Variants in GABPB2 observed in about 807,000 individuals in gnomAD.
The protein encoded by GABPB2 is GA binding protein transcription factor subunit beta 2.
In GABPB2, 23 loss-of-function variants were observed where a neutral mutation model predicts 39.1. That is an observed-to-expected ratio of 0.59 (90% CI 0.42 to 0.83). The LOEUF (loss-of-function observed/expected upper bound fraction) is 0.83. Among genes scored for constraint, GABPB2 ranks in the 40% least tolerant of loss-of-function variants. The probability of loss-of-function intolerance (pLI) is 0.00; values close to 1 mark genes in which losing one functional copy is unlikely to be tolerated. For missense variants in GABPB2, 467 were observed against 541.1 expected (o/e 0.86, Z 1.36); for synonymous variants, 184 against 199.3 (o/e 0.92, Z 0.65).
chr1:151,078,671 G>C (rs150912022), intron 1 of GABPB2, among the ~76,000 whole-genome samples: 1 of 151,466 alleles, frequency 6.6e-6, no homozygotes, highest in Non-Finnish European at 1.5e-5. Context: ...AGACAGTCTC[G>C]CTCTGTTACC....
Position 151,118,101 on chromosome 1 carries a change from A to G in GABPB2, c.1192A>G (p.Asn398Asp), listed in dbSNP as rs767948554. Residue 398 changes from asparagine (N) to aspartate (D), a missense_variant, in exon 9 of 9, where the codon AAT (asparagine) becomes GAT (aspartate). Coordinates refer to ENST00000368918, the MANE Select transcript of GABPB2 (RefSeq NM_144618.3). ...GGAGGCCATAGCCCGACAGCAGCCC[A>G]ATGGAGTTGATTTCACCATGGTTGA... Reference protein sequence around the residue: ...KLEAIARQQPNGVDFTMVEEV... With the variant: ...KLEAIARQQPDGVDFTMVEEV... 3 of 1,614,124 alleles carry G rather than the reference A, an allele frequency of 1.9e-6. No homozygotes were observed. Among genetic ancestry groups the G allele is most frequent in the South Asian group, 2.2e-5 (2 of 91,080 alleles).
chr1:151,096,988 C>T (rs587746914), intron 4 of GABPB2, among the ~76,000 whole-genome samples: 6 of 152,028 alleles, frequency 3.9e-5, no homozygotes, highest in South Asian at 4.2e-4. Context: ...CTTGGCTTAC[C>T]GCAATCTTGG....
chr1:151,089,952 T>TC (rs1678527567), intron 2 of GABPB2, among the ~76,000 whole-genome samples: 1 of 151,882 alleles, frequency 6.6e-6, no homozygotes, highest in South Asian at 2.1e-4. Context: ...TTTTTTTTTT[T>TC]TTTGAGACGG....
intron 1 of GABPB2, among the ~76,000 whole-genome samples, chr1:151,079,788 C>G (rs762539692): frequency 1.3e-5 from 2 of 151,556 alleles, no homozygotes; most frequent in Non-Finnish European, 2.9e-5. Context: ...ACCAGCTACT[C>G]GGGAGGCTGA....
At chr1:151,099,544 C>T (rs1343779493) in intron 5 of GABPB2, among the ~76,000 whole-genome samples, 1 of 152,160 alleles carries the variant, frequency 6.6e-6, no homozygotes, top group Non-Finnish European at 1.5e-5. Context: ...AATGAAATAA[C>T]TTGTGTCCTC....
chr1:151,083,527 G>A (rs908106330), intron 1 of GABPB2, among the ~76,000 whole-genome samples: 2 of 152,014 alleles, frequency 1.3e-5, no homozygotes, highest in Non-Finnish European at 2.9e-5. Context: ...CGAGCTACTC[G>A]GAAGGCTGAG....
chr1:151,120,011 G>A lies in GABPB2; in HGVS notation c.*1755G>A, dbSNP rs1681123827. On this transcript the variant is annotated 3_prime_UTR_variant, in exon 9 of 9. Transcript: ENST00000368918. The stretch of plus-strand genomic sequence containing the variant: ...GGATCACCTGAGGCCAGGAGTTCCA[G>A]ACCAGCCTGACCAACATGGAGAAAC... 1 of 151,836 alleles carries A rather than the reference G, an allele frequency of 6.6e-6. No homozygotes were observed. Among genetic ancestry groups the A allele is most frequent in the Non-Finnish European group, 1.5e-5 (1 of 68,044 alleles). The allele number at this position is 151,836 out of a possible 1,614,324, so 9.4% of individuals were successfully genotyped here. A position where few individuals can be genotyped will look rare whatever the true frequency, so the allele number is the denominator to read the frequency against.
At chr1:151,079,698 G>A (rs143648487) in intron 1 of GABPB2, among the ~76,000 whole-genome samples, 181 of 151,004 alleles carry the variant, frequency 1.2e-3, no homozygotes, top group Middle Eastern at 3.4e-3. Context: ...TCAGGAGTTC[G>A]AGGGGCTGAC....
At chr1:151,106,816 C>G (rs1680007180) in intron 6 of GABPB2, among the ~76,000 whole-genome samples, 1 of 152,096 alleles carries the variant, frequency 6.6e-6, no homozygotes, top group African/African-American at 2.4e-5. Context: ...TTATTAATAC[C>G]TCAGTGAACA....
intron 2 of GABPB2, among the ~76,000 whole-genome samples, chr1:151,088,983 T>G (rs587700068): frequency 8.0e-5 from 8 of 100,296 alleles, no homozygotes; most frequent in Admixed American, 1.2e-4. Flanking sequence ...TTGGAAACTC[T>G]GTTTCAAAAA....
Position 151,117,450 on chromosome 1 carries a change from A to G in GABPB2, c.981A>G (p.Glu327=). 6.2e-7 allele frequency: 1 copy of G among 1,613,844 alleles called. No homozygotes were observed. The highest frequency in any genetic ancestry group is 1.1e-5 in the South Asian group (1 of 91,076). ...AGACTGTAATTAAAGAGGAAGAAGA[A>G]GAGAAGTTGCCACTAACAAAGAAAC... ...AEETVIKEEE[E]EKLPLTKKPR... is the part of the protein sequence containing the mutation. Residue 327 remains glutamate, a synonymous_variant, in exon 8 of 9, where the codon GAA becomes GAG. Coordinates refer to ENST00000368918, the MANE Select transcript of GABPB2 (RefSeq NM_144618.3).
In GABPB2 at chr1:151,111,588, A is replaced by T. The variant is rs1680433635; in HGVS notation, c.922+4366A>T. On this transcript the variant is annotated intron_variant, in intron 7 of 8. Transcript: ENST00000368918. ...CAGGCGCCTGCCACCACGCCCGGCT[A>T]ATTTTTTTTGTATTTTTAGTAGAGA... 2.6e-5 allele frequency among the ~76,000 whole-genome samples: 4 copies of T among 151,388 alleles called. No individual in the cohort carries two copies. The South Asian group carries it at 6.3e-4, about 24-fold the overall frequency.
At position 151,119,083 on chromosome 1, in the gene GABPB2, G is replaced by A. The variant is rs969883473; in HGVS notation, c.*827G>A. The A allele has an allele frequency of 3.3e-5, 5 of 152,316 alleles. No homozygotes were observed. In the East Asian group the frequency reaches 7.7e-4, roughly 23 times the overall value. 9.4% of individuals were successfully genotyped at this position (152,316 alleles called of 1,614,324 possible). A position where few individuals can be genotyped will look rare whatever the true frequency, so the allele number is the denominator to read the frequency against. On this transcript the variant is annotated 3_prime_UTR_variant, in exon 9 of 9. Transcript: ENST00000368918. ...CCCAACACTTTGGGACGTTGAAATG[G>A]GAGAATTGCTTGAGTCCAGGAGTTT... is the stretch of plus-strand genomic sequence containing the variant.
At chr1:151,075,801 T>C (rs1401745709) in intron 1 of GABPB2, among the ~76,000 whole-genome samples, 1 of 152,060 alleles carries the variant, frequency 6.6e-6, no homozygotes, top group African/African-American at 2.4e-5. Flanking sequence ...GTCTCAGCCT[T>C]ATTTCACCCA....
intron 5 of GABPB2, among the ~76,000 whole-genome samples, chr1:151,098,418 C>T (rs946566391): frequency 3.3e-5 from 5 of 151,040 alleles, no homozygotes; most frequent in African/African-American, 1.2e-4. Context: ...GGGAGGATCT[C>T]GTGAGCTCAG....
At chr1:151,102,477 C>G (rs1320013458) in intron 5 of GABPB2, among the ~76,000 whole-genome samples, 2 of 152,094 alleles carry the variant, frequency 1.3e-5, no homozygotes, top group East Asian at 1.9e-4. Context: ...GAGTCTTTCT[C>G]TGTCACCCAA....
At chr1:151,095,686 C>T (rs959389057) in intron 4 of GABPB2, among the ~76,000 whole-genome samples, 3 of 152,002 alleles carry the variant, frequency 2.0e-5, no homozygotes, top group African/African-American at 7.2e-5. Context: ...TTAATTTTAT[C>T]GTGCTGTGAA....
Position 151,088,215 on chromosome 1 carries a change from G to C in GABPB2, c.26G>C (p.Arg9Thr). Residue 9 changes from arginine to threonine, a missense_variant, in exon 2 of 9, where the codon AGG (arginine) becomes ACG (threonine). Physicochemically the swap from Arg to Thr is moderately conservative, Grantham distance 71 (BLOSUM62 -1). Transcript: ENST00000368918. MSLVDLGKRLLEAARKGQD... is the reference protein window; with the variant it reads MSLVDLGKTLLEAARKGQD... ...ATGTCTTTGGTGGACTTGGGAAAGA[G>C]GTTGCTAGAAGCAGCAAGAAAAGGC... is the stretch of plus-strand genomic sequence containing the variant. 1 of 1,614,064 alleles carries C rather than the reference G, an allele frequency of 6.2e-7. No homozygotes were observed.
chr1:151,115,358 CAAAA>C (rs759261606), intron 7 of GABPB2, among the ~76,000 whole-genome samples: 3 of 149,844 alleles, frequency 2.0e-5, no homozygotes, highest in Admixed American at 6.7e-5. Context: ...AACTCCGTCT[CAAAA>C]GAAGGAAGGA....
Sources: gnomAD v4.1 joint callset for allele counts (sites outside exome capture counted in the v4.1 genomes callset) on GRCh38, gnomAD v4.1.1 for gene constraint, MANE v1.5 for transcripts, NCBI Gene and HGNC (gene_info 2026-07-23, HGNC 2026-07-21) for gene names.